KCTD8: variants seen among roughly 807,000 people sequenced by gnomAD.
KCTD8 encodes the protein BTB/POZ domain-containing protein KCTD8.
KCTD8 carries 27 observed loss-of-function variants against 31.5 expected under a neutral mutation model. That is an observed-to-expected ratio of 0.86 (90% CI 0.63 to 1.18). The LOEUF is 1.18. KCTD8 is among the 50% of genes most tolerant of loss of function. The pLI, the probability that KCTD8 is intolerant of heterozygous loss-of-function variation, is 0.00. For synonymous variants in KCTD8, 290 were observed against 280.0 expected (o/e 1.04, Z -0.36); for missense variants, 658 against 647.7 (o/e 1.02, Z -0.17).
At chr4:44,299,745 G>A (rs1264727993) in intron 1 of KCTD8, among the ~76,000 whole-genome samples, 1 of 151,154 alleles carries the variant, frequency 6.6e-6, no homozygotes, top group Admixed American at 6.6e-5. Flanking sequence ...AAAAGGTGGT[G>A]CCTTAGGTGA....
At chr4:44,178,973 A>G (rs1280094550) in intron 1 of KCTD8, among the ~76,000 whole-genome samples, 1 of 152,188 alleles carries the variant, frequency 6.6e-6, no homozygotes, top group Non-Finnish European at 1.5e-5. Flanking sequence ...AACTATGGAT[A>G]AGATGAGCTT....
intron 1 of KCTD8, among the ~76,000 whole-genome samples, chr4:44,247,067 G>A (rs1715688283): frequency 6.6e-6 from 1 of 151,914 alleles, no homozygotes; most frequent in Non-Finnish European, 1.5e-5. Flanking sequence ...ACATCTTACA[G>A]AAATTCCAAA....
intron 1 of KCTD8, among the ~76,000 whole-genome samples, chr4:44,377,954 A>G (rs1371824037): frequency 6.6e-6 from 1 of 152,100 alleles, no homozygotes; most frequent in Non-Finnish European, 1.5e-5. Context: ...TTTGCCATAC[A>G]TAGGCAATTT....
intron 1 of KCTD8, among the ~76,000 whole-genome samples, chr4:44,278,619 T>A (rs1237949439): frequency 1.3e-5 from 2 of 152,082 alleles, no homozygotes; most frequent in African/African-American, 4.8e-5. Context: ...AGACATACTT[T>A]AAAATTTTGT....
Position 44,175,231 on chromosome 4 carries a change from T to C in KCTD8, c.981A>G (p.Val327=). The stretch of plus-strand genomic sequence containing the variant: ...TATCTTCATGTTCTTGTTTAGGTGA[T>C]ACTATTTTCTGAGGTGGTCCTAAAA... The part of the protein sequence containing the change: ...YIFFRPPQKI[V]SPKQEHEDRK... Residue 327 remains valine (V), a synonymous_variant, in exon 2 of 2, where the codon GTA becomes GTG. Transcript: ENST00000360029. The C allele has an allele frequency of 6.4e-7, 1 of 1,562,764 alleles. No individual in the cohort carries two copies.
intron 1 of KCTD8, among the ~76,000 whole-genome samples, chr4:44,213,359 A>C (rs375837952): frequency 8.5e-4 from 129 of 152,324 alleles, no homozygotes; most frequent in African/African-American, 2.7e-3. Context: ...TTTACTATGA[A>C]CATGTAATAT....
chr4:44,356,746 A>G (rs1332751361), intron 1 of KCTD8, among the ~76,000 whole-genome samples: 1 of 152,150 alleles, frequency 6.6e-6, no homozygotes, highest in Non-Finnish European at 1.5e-5. Flanking sequence ...TGCTGGGATT[A>G]CAGGTGTGAG....
intron 1 of KCTD8, among the ~76,000 whole-genome samples, chr4:44,361,632 G>A (rs1298918866): frequency 6.6e-6 from 1 of 152,090 alleles, no homozygotes; most frequent in South Asian, 2.1e-4. Flanking sequence ...AAATGGTCTG[G>A]TAAGTCCCCT....
At chr4:44,236,593 G>C (rs77264602) in intron 1 of KCTD8, among the ~76,000 whole-genome samples, 2 of 151,768 alleles carry the variant, frequency 1.3e-5, no homozygotes, top group African/African-American at 4.8e-5. Flanking sequence ...AAAAAAAAAA[G>C]TGGAAACTCT....
Position 44,378,304 on chromosome 4 carries a change from T to A in KCTD8, c.961+69259A>T, listed in dbSNP as rs1207956373. ...CAGGGCACAATACTATACATACTAT[T>A]CTCTGATCTGCTTTATTTTTCACTG... On this transcript the variant is annotated intron_variant, in intron 1 of 1. Transcript: ENST00000360029. Among the ~76,000 whole-genome samples the A allele has an allele frequency of 2.0e-5, 3 of 149,350 alleles. No homozygotes were observed. The East Asian group carries it at 5.9e-4, about 29-fold the overall frequency.
chr4:44,237,565 C>CAAAT (rs1715329647), intron 1 of KCTD8, among the ~76,000 whole-genome samples: 1 of 152,122 alleles, frequency 6.6e-6, no homozygotes, highest in South Asian at 2.1e-4. Context: ...AATAATAAAG[C>CAAAT]AAATGTTTTG....
chr4:44,338,322 A>AG (rs1324460188), intron 1 of KCTD8, among the ~76,000 whole-genome samples: 24 of 152,326 alleles, frequency 1.6e-4, no homozygotes, highest in African/African-American at 4.8e-4. Context: ...TGTAAAATCC[A>AG]TAATCCAGGA....
At chr4:44,342,019 T>C (rs1424424296) in intron 1 of KCTD8, among the ~76,000 whole-genome samples, 1 of 152,174 alleles carries the variant, frequency 6.6e-6, no homozygotes, top group African/African-American at 2.4e-5. Flanking sequence ...TTAATCTCTT[T>C]ATAAATCTCC....
intron 1 of KCTD8, among the ~76,000 whole-genome samples, chr4:44,277,541 T>C (rs1716787501): frequency 6.6e-6 from 1 of 151,758 alleles, no homozygotes; most frequent in African/African-American, 2.4e-5. Flanking sequence ...CATTCATTCA[T>C]TCATTCATTC....
intron 1 of KCTD8, among the ~76,000 whole-genome samples, chr4:44,269,692 A>C: frequency 6.6e-6 from 1 of 152,040 alleles, no homozygotes; most frequent in East Asian, 1.9e-4. Context: ...ACAAATTTAC[A>C]AGAAAAAAGC....
intron 1 of KCTD8, among the ~76,000 whole-genome samples, chr4:44,194,517 T>C (rs1243472426): frequency 2.6e-5 from 4 of 152,120 alleles, no homozygotes; most frequent in Admixed American, 1.3e-4. Flanking sequence ...TGGTTATTCA[T>C]TAAAATCTTG....
At chr4:44,328,185 T>C (rs1053092119) in intron 1 of KCTD8, among the ~76,000 whole-genome samples, 4 of 151,978 alleles carry the variant, frequency 2.6e-5, no homozygotes, top group Non-Finnish European at 4.4e-5. Flanking sequence ...AACCAACTCA[T>C]AGAACTGTGT....
chr4:44,324,350 T>G, intron 1 of KCTD8, among the ~76,000 whole-genome samples: 1 of 152,080 alleles, frequency 6.6e-6, no homozygotes, highest in Admixed American at 6.5e-5. Flanking sequence ...AACTCTTTTT[T>G]GATGGGTACA....
intron 1 of KCTD8, among the ~76,000 whole-genome samples, chr4:44,430,037 A>C (rs536182378): frequency 6.6e-6 from 1 of 151,826 alleles, no homozygotes; most frequent in South Asian, 2.1e-4. Context: ...GGGTTTAAAA[A>C]AAAACACAAA....
Sources: gnomAD v4.1 joint callset for allele counts (sites outside exome capture counted in the v4.1 genomes callset) on GRCh38, gnomAD v4.1.1 for gene constraint, MANE v1.5 for transcripts, NCBI Gene and HGNC (gene_info 2026-07-23, HGNC 2026-07-21) for gene names.